Variants in LRP1B observed in about 807,000 individuals in gnomAD.
The protein encoded by LRP1B is low-density lipoprotein receptor-related protein 1B.
Under a neutral mutation model 556.6 loss-of-function variants are expected in LRP1B, and 217 were observed. The observed-to-expected ratio is 0.39, with a 90% CI of 0.35 to 0.44. LRP1B has a LOEUF of 0.44. LRP1B is among the 20% of genes least tolerant of loss of function. The probability of loss-of-function intolerance (pLI) is 1.00; values close to 1 mark genes in which losing one functional copy is unlikely to be tolerated. For missense variants in LRP1B, 5,053 were observed against 5,620.8 expected (o/e 0.90, Z 3.23); for synonymous variants, 2,047 against 1,865.8 (o/e 1.10, Z -2.50).
At chr2:142,037,098 T>A (rs1703906748) in intron 1 of LRP1B, among the ~76,000 whole-genome samples, 1 of 151,636 alleles carries the variant, frequency 6.6e-6, no homozygotes, top group Non-Finnish European at 1.5e-5. Context: ...TTCACGTTCA[T>A]AAATGCCTGA....
At chr2:140,539,675 C>T (rs942434457) in intron 45 of LRP1B, among the ~76,000 whole-genome samples, 1 of 152,110 alleles carries the variant, frequency 6.6e-6, no homozygotes, top group Non-Finnish European at 1.5e-5. Context: ...GTGATTCTAA[C>T]GCATGGCTAA....
intron 2 of LRP1B, among the ~76,000 whole-genome samples, chr2:141,623,878 G>A (rs895327477): frequency 6.6e-6 from 1 of 151,374 alleles, no homozygotes; most frequent in Non-Finnish European, 1.5e-5. Flanking sequence ...AGCCGGGCAC[G>A]GTGGCAGGTT....
intron 2 of LRP1B, among the ~76,000 whole-genome samples, chr2:141,687,663 C>G (rs78074031): frequency 0.07 from 10,708 of 151,890 alleles, 558 homozygotes; most frequent in African/African-American, 0.13. Context: ...CATTTCATCT[C>G]TTAAAATATA....
chr2:140,270,485 A>G, intron 85 of LRP1B, 139 bp from the exon 86 acceptor site: 1 of 593,286 alleles, frequency 1.7e-6, no homozygotes, highest in Non-Finnish European at 3.1e-6. Context: ...AGTTTTCAGG[A>G]AGTCTGACTC....
At chr2:140,882,307 T>A in intron 25 of LRP1B, among the ~76,000 whole-genome samples, 1 of 152,214 alleles carries the variant, frequency 6.6e-6, no homozygotes, top group Non-Finnish European at 1.5e-5. Context: ...AGGAATAAAA[T>A]ATTGAAAAAT....
intron 11 of LRP1B, among the ~76,000 whole-genome samples, chr2:141,023,426 A>T (rs1162466107): frequency 1.3e-5 from 2 of 151,990 alleles, no homozygotes; most frequent in Non-Finnish European, 2.9e-5. Context: ...TGTAAATTTT[A>T]AAAGAATAAT....
intron 2 of LRP1B, among the ~76,000 whole-genome samples, chr2:141,666,423 T>C (rs905895405): frequency 1.3e-5 from 2 of 152,214 alleles, no homozygotes; most frequent in South Asian, 2.1e-4. Context: ...TCTGGTTATG[T>C]TGCCAGGCTG....
chr2:141,090,960 A>G (rs980914679), intron 7 of LRP1B, among the ~76,000 whole-genome samples: 1 of 152,184 alleles, frequency 6.6e-6, no homozygotes, highest in Non-Finnish European at 1.5e-5. Flanking sequence ...TAGTGTTTTC[A>G]ATTGTATTAT....
At chr2:141,233,344 A>C (rs550166702) in intron 5 of LRP1B, among the ~76,000 whole-genome samples, 2 of 152,296 alleles carry the variant, frequency 1.3e-5, no homozygotes, top group East Asian at 3.9e-4. Context: ...AATTGTCCTC[A>C]TACTCCTCAC....
intron 66 of LRP1B, among the ~76,000 whole-genome samples, chr2:140,386,948 G>A (rs1244544234): frequency 6.6e-6 from 1 of 152,122 alleles, no homozygotes; most frequent in Non-Finnish European, 1.5e-5. Flanking sequence ...ATGGAAATTG[G>A]GATTCAGTAG....
intron 37 of LRP1B, among the ~76,000 whole-genome samples, chr2:140,705,888 A>C (rs1169942782): frequency 6.6e-6 from 1 of 152,116 alleles, no homozygotes; most frequent in Non-Finnish European, 1.5e-5. Flanking sequence ...AATCCTATCA[A>C]AATTAAGTAA....
At chr2:141,750,487 T>C (rs1242824797) in intron 2 of LRP1B, among the ~76,000 whole-genome samples, 1 of 152,190 alleles carries the variant, frequency 6.6e-6, no homozygotes, top group Admixed American at 6.5e-5. Flanking sequence ...TCATCTCTTC[T>C]TGTCCTTGGA....
chr2:141,674,325 G>A (rs1227032885), intron 2 of LRP1B, among the ~76,000 whole-genome samples: 2 of 151,998 alleles, frequency 1.3e-5, no homozygotes, highest in Admixed American at 6.6e-5. Context: ...AGACTTGCCT[G>A]TTGACCAATA....
intron 89 of LRP1B, among the ~76,000 whole-genome samples, chr2:140,237,892 T>TA (rs1191110271): frequency 1.3e-5 from 2 of 150,912 alleles, no homozygotes; most frequent in Admixed American, 6.6e-5. Context: ...CATTTTTCAA[T>TA]AAAAAACATA....
chr2:142,054,872 G>A (rs547660241), intron 1 of LRP1B, among the ~76,000 whole-genome samples: 1 of 151,984 alleles, frequency 6.6e-6, no homozygotes, highest in African/African-American at 2.4e-5. Flanking sequence ...TGAATTTTAA[G>A]CTCAACTTCT....
chr2:141,706,682 A>G (rs1574265342), intron 2 of LRP1B, among the ~76,000 whole-genome samples: 1 of 152,262 alleles, frequency 6.6e-6, no homozygotes, highest in East Asian at 1.9e-4. Context: ...CAGAACACAC[A>G]AATGTGATAT....
chr2:141,462,783 CTAG>C (rs1408567114), intron 3 of LRP1B, among the ~76,000 whole-genome samples: 1 of 151,292 alleles, frequency 6.6e-6, no homozygotes, highest in Non-Finnish European at 1.5e-5. Flanking sequence ...TGTTACTATA[CTAG>C]TAGTAACCCG....
chr2:140,725,793 A>T (rs1225742662), intron 35 of LRP1B, among the ~76,000 whole-genome samples: 1 of 152,076 alleles, frequency 6.6e-6, no homozygotes, highest in African/African-American at 2.4e-5. Flanking sequence ...CCAGCCTCAC[A>T]TCATATCCTT....
intron 6 of LRP1B, among the ~76,000 whole-genome samples, chr2:141,202,653 A>G (rs1682085519): frequency 6.6e-6 from 1 of 150,522 alleles, no homozygotes; most frequent in South Asian, 2.1e-4. Context: ...TTTGATTTGC[A>G]TTTCTCTGGT....
Sources: allele counts gnomAD v4.1 joint callset (sites outside exome capture counted in the v4.1 genomes callset), GRCh38; gene constraint gnomAD v4.1.1; transcripts MANE v1.5; gene names NCBI Gene and HGNC (gene_info 2026-07-23, HGNC 2026-07-21).